The following FAM120C variants were observed in gnomAD, a reference collection of about 807,000 sequenced individuals.
FAM120C encodes constitutive coactivator of PPAR-gamma-like protein 2.
Under a neutral mutation model 71.2 loss-of-function variants are expected in FAM120C, and 14 were observed. The ratio of observed to expected loss-of-function variants is 0.20; its 90% confidence interval spans 0.13 to 0.31. The LOEUF (loss-of-function observed/expected upper bound fraction) is 0.31. FAM120C is among the 10% of genes least tolerant of loss of function. The probability of loss-of-function intolerance (pLI) is 1.00; values close to 1 mark genes in which losing one functional copy is unlikely to be tolerated. For missense variants in FAM120C, 500 were observed against 879.0 expected (o/e 0.57, Z 5.45); for synonymous variants, 354 against 353.2 (o/e 1.00, Z -0.03).
intron 10 of FAM120C, among the ~76,000 whole-genome samples, chrX:54,113,777 G>A (rs782546841): frequency 7.2e-4 from 78 of 109,061 alleles, no homozygotes; most frequent in Non-Finnish European, 1.1e-3. Flanking sequence ...TTAGCCGGGC[G>A]TGGTGGTGCA....
In FAM120C at chrX:54,089,189, C is replaced by T. The variant is rs189050328; in HGVS notation, c.2428-1225G>A. Among the ~76,000 whole-genome samples the T allele has an allele frequency of 4.3e-3, 477 of 111,402 alleles. 2 individuals carry two copies. The highest frequency in any genetic ancestry group is 7.2e-3 in the Non-Finnish European group (381 of 53,094). On this transcript the variant is annotated intron_variant, in intron 11 of 15. Coordinates refer to ENST00000375180, the MANE Select transcript of FAM120C (RefSeq NM_017848.6). ...ATATTATAACAATTAAATGATACAT[C>T]CATATGATAAAATACTATTTATTAA...
intron 3 of FAM120C, 86 bp downstream of exon 3, chrX:54,157,603 T>A (rs2067216667): frequency 1.5e-6 from 1 of 673,879 alleles, no homozygotes. Flanking sequence ...ATATTTTAAA[T>A]CTAATGTAAG....
At chrX:54,166,893 T>C (rs2067262280) in intron 1 of FAM120C, among the ~76,000 whole-genome samples, 1 of 111,572 alleles carries the variant, frequency 9.0e-6, no homozygotes, top group Non-Finnish European at 1.9e-5. Context: ...TTTTGAATTT[T>C]TGTACCATGA....
In FAM120C at chrX:54,085,811, G is replaced by A; in HGVS notation, c.2743C>T (p.Pro915Ser). The A allele has an allele frequency of 2.5e-6, 3 of 1,211,323 alleles. No individual in the cohort carries two copies. The highest frequency in any genetic ancestry group is 2.2e-6 in the Non-Finnish European group (2 of 895,077). The change falls in exon 13 of 16, where the codon CCT (proline) becomes TCT (serine). Residue 915 changes from proline to serine, a missense_variant. Physicochemically the swap from Pro to Ser is moderately conservative, Grantham distance 74 (BLOSUM62 -1). This residue lies in a region of FAM120C where 34 missense variants were observed against 45.2 expected (regional missense o/e 0.75). Transcript: ENST00000375180. ...SALLPSPTFV[P>S]PMVPSLYPVS... Reference sequence around the variant, plus strand: ...GGGTAGAGAGAGGGCACCATGGGAGGCACAAAAGTAGGTGACGGAAGTAGA... The same window carrying A: ...GGGTAGAGAGAGGGCACCATGGGAGACACAAAAGTAGGTGACGGAAGTAGA...
At position 54,116,711 on chromosome X, in the gene FAM120C, G is replaced by A. The variant is rs2066969719; in HGVS notation, c.2146C>T (p.Arg716Trp). The A allele has an allele frequency of 8.3e-7, 1 of 1,209,703 alleles. No homozygotes were observed. The highest frequency in any genetic ancestry group is 1.8e-5 in the South Asian group (1 of 56,781). The change falls in exon 10 of 16, where the codon CGG (arginine) becomes TGG (tryptophan). Residue 716 changes from arginine (R) to tryptophan (W), a missense_variant. Coordinates refer to ENST00000375180, the MANE Select transcript of FAM120C (RefSeq NM_017848.6). ...TTGAGGTTTGGGCAAGTCCATTCCC[G>A]AAATGTCAGTGCAGACACCAGCTCA... Reference protein sequence around the residue: ...TPELVSALTFREWTCPNLKKL... With the variant: ...TPELVSALTFWEWTCPNLKKL...
chrX:54,140,122 C>A (rs1377022019), intron 4 of FAM120C, among the ~76,000 whole-genome samples: 1 of 107,075 alleles, frequency 9.3e-6, no homozygotes, highest in African/African-American at 3.4e-5. Flanking sequence ...TGGTGAAATC[C>A]CGTCTCTATT....
chrX:54,101,027 CTG>C (rs1444581674), intron 10 of FAM120C, among the ~76,000 whole-genome samples: 1 of 111,819 alleles, frequency 8.9e-6, no homozygotes, highest in Non-Finnish European at 1.9e-5. Context: ...TAGGGGATCT[CTG>C]TGGTGGCTCT....
chrX:54,158,482 T>C (rs1182834136), intron 2 of FAM120C, among the ~76,000 whole-genome samples: 1 of 112,105 alleles, frequency 8.9e-6, no homozygotes, highest in African/African-American at 3.2e-5. Flanking sequence ...TTAAGAGATA[T>C]ATTGGGCCAG....
intron 12 of FAM120C, among the ~76,000 whole-genome samples, chrX:54,086,340 T>C (rs782278986): frequency 8.9e-6 from 1 of 112,419 alleles, no homozygotes; most frequent in Admixed American, 9.5e-5. Flanking sequence ...TTGGAGATCC[T>C]GATACCTCTA....
chrX:54,156,690 C>G (rs1330126711), intron 3 of FAM120C, among the ~76,000 whole-genome samples: 1 of 108,097 alleles, frequency 9.3e-6, no homozygotes, highest in Admixed American at 1.0e-4. Flanking sequence ...AGTTCGAGAC[C>G]AGCCTCGCCA....
chrX:54,106,722 AT>A (rs2066908714), intron 10 of FAM120C, among the ~76,000 whole-genome samples: 1 of 112,262 alleles, frequency 8.9e-6, no homozygotes, highest in Non-Finnish European at 1.9e-5. Context: ...AAAAAACTCC[AT>A]CAAAAAGTGG....
At chrX:54,089,010 C>T (rs1557122338) in intron 11 of FAM120C, among the ~76,000 whole-genome samples, 1 of 111,264 alleles carries the variant, frequency 9.0e-6, no homozygotes, top group African/African-American at 3.3e-5. Context: ...GATTATGCCA[C>T]TGCACTCCAG....
At chrX:54,083,458 C>CACACAT (rs1468299079) in intron 13 of FAM120C, among the ~76,000 whole-genome samples, 2 of 106,566 alleles carry the variant, frequency 1.9e-5, no homozygotes, top group Non-Finnish European at 3.9e-5. Flanking sequence ...CACACACACA[C>CACACAT]ACACACACAC....
chrX:54,169,707 A>T (rs992561590), intron 1 of FAM120C, among the ~76,000 whole-genome samples: 1 of 112,095 alleles, frequency 8.9e-6, no homozygotes, highest in Non-Finnish European at 1.9e-5. Context: ...GTATCACCTT[A>T]TAAGAAGATT....
At position 54,135,044 on chromosome X, in the gene FAM120C, A is replaced by C; in HGVS notation, c.1403T>G (p.Leu468Arg). ...CCCCAAAGCATGGGAGGAGAAGAGAAGAGATGAGTTGGGTCCCACTGGGAA... is the reference window on the plus strand; with the variant it reads ...CCCCAAAGCATGGGAGGAGAAGAGACGAGATGAGTTGGGTCCCACTGGGAA... Reference protein sequence around the residue: ...PPFPVGPNSSLLFSSHALGES... With the variant: ...PPFPVGPNSSRLFSSHALGES... Residue 468 changes from leucine (L) to arginine (R), a missense_variant, in exon 7 of 16, where the codon CTT becomes CGT. This residue lies in a region of FAM120C where 85 missense variants were observed against 84.9 expected (regional missense o/e 1.00). Coordinates refer to ENST00000375180, the MANE Select transcript of FAM120C (RefSeq NM_017848.6). The C allele has an allele frequency of 1.7e-6, 2 of 1,211,095 alleles. No homozygotes were observed. Among genetic ancestry groups the C allele is most frequent in the Non-Finnish European group, 1.1e-6 (1 of 894,865 alleles).
chrX:54,073,224 T>C lies in FAM120C; in HGVS notation c.3100A>G (p.Asn1034Asp), dbSNP rs782286519. Reference sequence around the variant, plus strand: ...TTGATCAATGCGCCACTGTTTCCATTTACCTGGGAGCGAGACCGACCTTGA... The same window carrying C: ...TTGATCAATGCGCCACTGTTTCCATCTACCTGGGAGCGAGACCGACCTTGA... ...LHQGRSRSQV[N>D]GNSGALIKEE... Residue 1034 changes from asparagine (N) to aspartate (D), a missense_variant, in exon 16 of 16, where the codon AAT becomes GAT. By Grantham distance (23) the Asn-to-Asp change is conservative. Around this residue, in one of 11 missense-constraint regions of FAM120C, gnomAD observed 85 missense variants for 96.1 expected, o/e 0.88. Coordinates refer to ENST00000375180, the MANE Select transcript of FAM120C (RefSeq NM_017848.6). 2.5e-6 allele frequency: 3 copies of C among 1,210,267 alleles called. No individual in the cohort carries two copies.
intron 1 of FAM120C, among the ~76,000 whole-genome samples, chrX:54,166,961 GA>G (rs1215795367): frequency 1.5e-4 from 16 of 105,024 alleles, no homozygotes; most frequent in South Asian, 4.1e-4. Flanking sequence ...CATATTCAGG[GA>G]AAAAAAAAAG....
chrX:54,085,501 C>T lies in FAM120C; in HGVS notation c.2839+214G>A, dbSNP rs372262404. Among the ~76,000 whole-genome samples, 100 of 109,916 alleles carry T rather than the reference C, an allele frequency of 9.1e-4. No homozygotes were observed. The South Asian group carries it at 0.037, about 41-fold the overall frequency. On this transcript the variant is annotated intron_variant, in intron 13 of 15. Transcript: ENST00000375180. ...ACTCAGAAGACTGAGGCAGGAGAAT[C>T]GCTTGAACCCAGGAGGCGGAGGTTG...
chrX:54,166,218 T>G (rs1257459796), intron 1 of FAM120C, among the ~76,000 whole-genome samples: 1 of 112,027 alleles, frequency 8.9e-6, no homozygotes, highest in Non-Finnish European at 1.9e-5. Context: ...ACATGATGTT[T>G]CACGTACAAG....
Sources: gnomAD v4.1 joint callset for allele counts (sites outside exome capture counted in the v4.1 genomes callset) on GRCh38, gnomAD v4.1.1 for gene constraint, gnomAD v4.1.1 regional missense constraint, MANE v1.5 for transcripts, NCBI Gene and HGNC (gene_info 2026-07-23, HGNC 2026-07-21) for gene names.